The following TTC7B variants were observed in gnomAD, a reference collection of about 807,000 sequenced individuals.
TTC7B encodes tetratricopeptide repeat domain 7B, also known as tetratricopeptide repeat protein 7B.
TTC7B carries 28 observed loss-of-function variants against 106.8 expected under a neutral mutation model. That is an observed-to-expected ratio of 0.26 (90% CI 0.19 to 0.36). The LOEUF (loss-of-function observed/expected upper bound fraction) is 0.36, where lower values mean the gene tolerates loss of function less well. Among genes scored for constraint, TTC7B ranks in the 10% least tolerant of loss-of-function variants. The probability of loss-of-function intolerance (pLI) is 1.00; values close to 1 mark genes in which losing one functional copy is unlikely to be tolerated. For synonymous variants in TTC7B, 405 were observed against 430.6 expected (o/e 0.94, Z 0.74); for missense variants, 862 against 1,076.4 (o/e 0.80, Z 2.79).
chr14:90,701,794 G>GTATATATATATATATATATA (rs1365407194), intron 5 of TTC7B, among the ~76,000 whole-genome samples: 2 of 124,876 alleles, frequency 1.6e-5, no homozygotes, highest in African/African-American at 7.0e-5. Flanking sequence ...GTGTGTGTGT[G>GTATATATATATATATATATA]TGTATATATA....
intron 7 of TTC7B, among the ~76,000 whole-genome samples, chr14:90,682,181 G>A (rs1887078545): frequency 2.0e-5 from 3 of 152,102 alleles, no homozygotes; most frequent in African/African-American, 7.2e-5. Flanking sequence ...TGAAAAGACA[G>A]ACAGCCTATG....
chr14:90,809,815 A>C (rs922487986), intron 1 of TTC7B, among the ~76,000 whole-genome samples: 11 of 152,260 alleles, frequency 7.2e-5, no homozygotes, highest in African/African-American at 2.7e-4. Flanking sequence ...GACAAGGCAC[A>C]TGCCAAAATC....
At chr14:90,746,927 GTTCAAACCCTGTACA>G (rs1253405823) in intron 3 of TTC7B, among the ~76,000 whole-genome samples, 3 of 152,180 alleles carry the variant, frequency 2.0e-5, no homozygotes, top group African/African-American at 7.2e-5. Context: ...GCCTTGGGAT[GTTCAAACCCTGTACA>G]TTCCAAAGGA....
chr14:90,539,560 C>T lies in TTC7B; in HGVS notation c.*1808G>A, dbSNP rs1180923717. The T allele has an allele frequency of 6.6e-6, 1 of 152,484 alleles. No individual in the cohort carries two copies. The highest frequency in any genetic ancestry group is 1.5e-5 in the Non-Finnish European group (1 of 68,246). The allele number at this position is 152,484 out of a possible 1,614,324, so 9.4% of individuals were successfully genotyped here. ...CTGGGGCTCCTACCTACTGTCTCTCCCTCCTTGGCTGCCCCCTAGCCCGCC... is the reference window on the plus strand; with the variant it reads ...CTGGGGCTCCTACCTACTGTCTCTCTCTCCTTGGCTGCCCCCTAGCCCGCC... On this transcript the variant is annotated 3_prime_UTR_variant, in exon 20 of 20. Transcript: ENST00000328459.
intron 1 of TTC7B, among the ~76,000 whole-genome samples, chr14:90,788,421 A>G (rs565985904): frequency 1.3e-5 from 2 of 152,342 alleles, no homozygotes; most frequent in Admixed American, 6.5e-5. Context: ...TGTTTCTTAC[A>G]GAATACTAAA....
chr14:90,678,172 C>T (rs2139925942), intron 8 of TTC7B, among the ~76,000 whole-genome samples: 1 of 152,266 alleles, frequency 6.6e-6, no homozygotes, highest in South Asian at 2.1e-4. Flanking sequence ...TAAAAAGGTA[C>T]AATATAGAAC....
intron 2 of TTC7B, among the ~76,000 whole-genome samples, chr14:90,784,734 G>A (rs1256076141): frequency 6.6e-6 from 1 of 152,148 alleles, no homozygotes; most frequent in Non-Finnish European, 1.5e-5. Context: ...AAATGCAGCA[G>A]GGAGTCTTTA....
intron 3 of TTC7B, among the ~76,000 whole-genome samples, chr14:90,768,042 G>C (rs1288329525): frequency 2.0e-5 from 3 of 148,312 alleles, no homozygotes; most frequent in Admixed American, 2.0e-4. Context: ...AAGGACAAAG[G>C]GAGAATCTTA....
At chr14:90,717,986 T>A (rs111950980) in intron 5 of TTC7B, among the ~76,000 whole-genome samples, 520 of 152,306 alleles carry the variant, frequency 3.4e-3, no homozygotes, top group African/African-American at 0.012. Flanking sequence ...TTGGCTTCCT[T>A]CTTGACCAGA....
At chr14:90,562,041 T>C (rs904400274) in intron 19 of TTC7B, among the ~76,000 whole-genome samples, 1 of 152,140 alleles carries the variant, frequency 6.6e-6, no homozygotes, top group African/African-American at 2.4e-5. Context: ...TCTCAGGCAG[T>C]CTTGTCTCCT....
intron 9 of TTC7B, among the ~76,000 whole-genome samples, chr14:90,664,903 G>T (rs983362535): frequency 6.6e-6 from 1 of 152,218 alleles, no homozygotes; most frequent in African/African-American, 2.4e-5. Flanking sequence ...AGCAAGAGTA[G>T]ATCTTCAGGG....
chr14:90,707,760 G>C (rs996166450), intron 5 of TTC7B, among the ~76,000 whole-genome samples: 2 of 152,198 alleles, frequency 1.3e-5, no homozygotes, highest in Admixed American at 1.3e-4. Context: ...TTCTTTGAAG[G>C]CTGAGAGAGG....
At chr14:90,793,828 G>A (rs1365525272) in intron 1 of TTC7B, among the ~76,000 whole-genome samples, 7 of 150,874 alleles carry the variant, frequency 4.6e-5, no homozygotes, top group African/African-American at 9.7e-5. Context: ...GGCTGGTCTC[G>A]AACTCCCAAC....
chr14:90,586,271 T>C (rs1055727890), intron 18 of TTC7B, among the ~76,000 whole-genome samples: 2 of 152,110 alleles, frequency 1.3e-5, no homozygotes, highest in Non-Finnish European at 2.9e-5. Flanking sequence ...TGCTCCTCAA[T>C]CTTTTTTTCT....
At chr14:90,552,944 C>A (rs1890148727) in intron 19 of TTC7B, among the ~76,000 whole-genome samples, 1 of 152,262 alleles carries the variant, frequency 6.6e-6, no homozygotes, top group African/African-American at 2.4e-5. Flanking sequence ...CAGTCCCAGT[C>A]AGACATAGGG....
In TTC7B at chr14:90,742,393, G is replaced by A. The variant is rs917195224; in HGVS notation, c.576+2399C>T. Among the ~76,000 whole-genome samples the A allele has an allele frequency of 1.3e-5, 2 of 150,908 alleles. No homozygotes were observed. Among genetic ancestry groups the A allele is most frequent in the African/African-American group, 4.9e-5 (2 of 40,960 alleles). ...AGACAAGGTCTCACTCTGTTGACCA[G>A]GCTGATCTTAAACTTCTGGCCTCAG... On this transcript the variant is annotated intron_variant, in intron 4 of 19. Coordinates refer to ENST00000328459, the MANE Select transcript of TTC7B (RefSeq NM_001010854.2). The surrounding 1 kb of genome is among the most constrained non-coding windows in gnomAD (Gnocchi z 4.1).
chr14:90,645,949 C>T (rs1004984104), intron 14 of TTC7B, among the ~76,000 whole-genome samples: 5 of 152,190 alleles, frequency 3.3e-5, no homozygotes, highest in African/African-American at 7.2e-5. Flanking sequence ...CAGGCTGCTA[C>T]AGGAGCAAGG....
At chr14:90,702,594 C>T (rs1888037950) in intron 5 of TTC7B, among the ~76,000 whole-genome samples, 1 of 151,772 alleles carries the variant, frequency 6.6e-6, no homozygotes, top group African/African-American at 2.4e-5. Context: ...ATATGAAAAT[C>T]TGCTTTACTT....
At chr14:90,806,811 G>GT (rs1309861678) in intron 1 of TTC7B, among the ~76,000 whole-genome samples, 1 of 152,126 alleles carries the variant, frequency 6.6e-6, no homozygotes, top group Non-Finnish European at 1.5e-5. Context: ...GGAGGCTGCG[G>GT]TGGGAGGATT....
Sources: gnomAD v4.1 joint callset for allele counts (sites outside exome capture counted in the v4.1 genomes callset) on GRCh38, gnomAD v4.1.1 for gene constraint, Gnocchi (gnomAD v3.1) non-coding constraint, MANE v1.5 for transcripts, NCBI Gene and HGNC (gene_info 2026-07-23, HGNC 2026-07-21) for gene names.